The following DRC8 variants were observed in gnomAD, a reference collection of about 807,000 sequenced individuals.
DRC8 encodes dynein regulatory complex subunit 8.
At chr1:245,091,517 T>A in the DRC8 span, 1 of 152,234 alleles carries the variant, frequency 6.6e-6, no homozygotes, top group Non-Finnish European at 1.5e-5. Flanking sequence ...CAGAAGGCAG[T>A]AGAGGAAGCT....
At chr1:245,086,884 TCATCAAATACTGGGG>T in the DRC8 span, 1 of 515,004 alleles carries the variant, frequency 1.9e-6, no homozygotes, top group Non-Finnish European at 4.0e-6. Context: ...CTTCCATCTT[TCATCAAATACTGGGG>T]CTTCAAGTTA....
the DRC8 span, among the ~76,000 whole-genome samples, chr1:245,024,895 G>T: frequency 6.6e-6 from 1 of 152,026 alleles, no homozygotes; most frequent in African/African-American, 2.4e-5. Context: ...AAAACTGTTT[G>T]TATTTCCTTT....
At chr1:244,975,172 C>T in the DRC8 span, among the ~76,000 whole-genome samples, 18 of 152,202 alleles carry the variant, frequency 1.2e-4, no homozygotes, top group Non-Finnish European at 1.5e-4. Context: ...CCTTGTGATC[C>T]GCCCACCTCG....
chr1:245,008,670 C>CTTT, the DRC8 span, among the ~76,000 whole-genome samples: 2,876 of 139,304 alleles, frequency 0.021, 120 homozygotes, highest in African/African-American at 0.072. Flanking sequence ...TGTTCTCACA[C>CTTT]TTTTTTTTTT....
chr1:245,018,932 G>A, the DRC8 span, among the ~76,000 whole-genome samples: 12 of 152,136 alleles, frequency 7.9e-5, no homozygotes, highest in African/African-American at 2.9e-4. Flanking sequence ...GCTACACTGT[G>A]GGCATGCCAC....
chr1:245,035,800 G>A, the DRC8 span, among the ~76,000 whole-genome samples: 222 of 151,608 alleles, frequency 1.5e-3, 1 homozygote, highest in South Asian at 4.0e-3. Context: ...CTGGAAGGCG[G>A]GGGTTGCAGT....
chr1:245,095,658 G>A, the DRC8 span, among the ~76,000 whole-genome samples: 1 of 152,290 alleles, frequency 6.6e-6, no homozygotes, highest in South Asian at 2.1e-4. Flanking sequence ...GCCTCCCAAA[G>A]AACCGGGATT....
the DRC8 span, among the ~76,000 whole-genome samples, chr1:244,999,058 C>CAAAAA: frequency 1.9e-4 from 16 of 83,624 alleles, no homozygotes; most frequent in East Asian, 7.6e-4. Context: ...GATCCTGGGT[C>CAAAAA]AAAAAAAAAA....
the DRC8 span, among the ~76,000 whole-genome samples, chr1:244,997,525 CTTT>C: frequency 5.5e-4 from 70 of 126,722 alleles, no homozygotes; most frequent in African/African-American, 1.8e-3. Context: ...TTCGTGCCAT[CTTT>C]TTTTTTTTTT....
chr1:244,995,085 G>A, the DRC8 span, among the ~76,000 whole-genome samples: 4 of 151,720 alleles, frequency 2.6e-5, no homozygotes, highest in African/African-American at 7.3e-5. Flanking sequence ...GTTCTCGGCC[G>A]GGCGCGGTGG....
At chr1:244,974,063 A>G in the DRC8 span, among the ~76,000 whole-genome samples, 1 of 152,246 alleles carries the variant, frequency 6.6e-6, no homozygotes, top group Admixed American at 6.5e-5. Flanking sequence ...AACTGAAAGA[A>G]GAATGTTTGA....
chr1:245,097,936 C>T, the DRC8 span, among the ~76,000 whole-genome samples: 1 of 152,090 alleles, frequency 6.6e-6, no homozygotes, highest in African/African-American at 2.4e-5. The surrounding 1 kb of genome is among the most constrained non-coding windows in gnomAD (Gnocchi z 5.0). Context: ...GGGCCCCGAG[C>T]ATGAAGGGCC....
chr1:245,000,281 G>C, the DRC8 span, among the ~76,000 whole-genome samples: 1 of 152,164 alleles, frequency 6.6e-6, no homozygotes, highest in Admixed American at 6.5e-5. Flanking sequence ...GATGAAGAAG[G>C]GATGGAGTGG....
chr1:245,014,682 G>T, the DRC8 span, among the ~76,000 whole-genome samples: 245 of 152,064 alleles, frequency 1.6e-3, no homozygotes, highest in African/African-American at 5.7e-3. Flanking sequence ...GGTGTGGGGG[G>T]AGAAGAGCAG....
the DRC8 span, among the ~76,000 whole-genome samples, chr1:245,055,155 G>T: frequency 6.6e-6 from 1 of 152,190 alleles, no homozygotes; most frequent in Non-Finnish European, 1.5e-5. Flanking sequence ...TCTCGAGGCT[G>T]CTCACTGCGG....
At chr1:245,028,303 C>T in the DRC8 span, among the ~76,000 whole-genome samples, 10 of 152,110 alleles carry the variant, frequency 6.6e-5, no homozygotes, top group Admixed American at 5.9e-4. Context: ...TGTAACTATA[C>T]TAGAATTTAA....
chr1:244,970,774 C>T, the DRC8 span: 18 of 380,864 alleles, frequency 4.7e-5, no homozygotes, highest in Admixed American at 6.2e-4. Context: ...TCCTCCCGCC[C>T]CGTCCTCCTT....
chr1:245,046,520 G>A, the DRC8 span, among the ~76,000 whole-genome samples: 2 of 152,170 alleles, frequency 1.3e-5, no homozygotes, highest in Middle Eastern at 3.2e-3. Context: ...CATGTGCAGG[G>A]CTCACCTGGC....
chr1:245,072,676 C>T, the DRC8 span, among the ~76,000 whole-genome samples: 1 of 152,218 alleles, frequency 6.6e-6, no homozygotes, highest in Non-Finnish European at 1.5e-5. Context: ...GCCCAAATCT[C>T]ATGTTAAAAT....
Sources: allele counts gnomAD v4.1 joint callset (sites outside exome capture counted in the v4.1 genomes callset), GRCh38; gene constraint gnomAD v4.1.1; non-coding constraint Gnocchi (gnomAD v3.1); transcripts MANE v1.5; gene names NCBI Gene and HGNC (gene_info 2026-07-23, HGNC 2026-07-21).